Variants in SYNE2 observed in about 807,000 individuals in gnomAD.
SYNE2 encodes the protein spectrin repeat containing nuclear envelope protein 2.
In SYNE2, 431 loss-of-function variants were observed where a neutral mutation model predicts 856.3. That is an observed-to-expected ratio of 0.50 (90% CI 0.47 to 0.55). SYNE2 has a LOEUF of 0.55. Among genes scored for constraint, SYNE2 ranks in the 20% least tolerant of loss-of-function variants. The pLI is 0.00. For synonymous variants in SYNE2, 2,923 were observed against 2,872.3 expected, an observed-to-expected ratio of 1.02 and a Z score of -0.56; for missense variants, 8,129 against 8,023.2, an observed-to-expected ratio of 1.01 and a Z score of -0.50.
chr14:63,853,689 G>T (rs1336999162), intron 1 of SYNE2, among the ~76,000 whole-genome samples: 1 of 151,424 alleles, frequency 6.6e-6, no homozygotes, highest in Admixed American at 6.6e-5. Context: ...GGGAACCCGC[G>T]GGTCGGGGCG....
At chr14:63,884,139 G>A (rs2140751536) in intron 1 of SYNE2, among the ~76,000 whole-genome samples, 1 of 152,272 alleles carries the variant, frequency 6.6e-6, no homozygotes, top group East Asian at 1.9e-4. Flanking sequence ...GGAGTATCGA[G>A]GGTAAGTAAA....
intron 1 of SYNE2, among the ~76,000 whole-genome samples, chr14:63,818,293 C>T (rs1442767505): frequency 2.0e-5 from 3 of 148,684 alleles, no homozygotes; most frequent in Non-Finnish European, 3.0e-5. Context: ...TGAGATTGCA[C>T]CACTGCACTC....
At chr14:63,976,874 C>A in intron 12 of SYNE2, 147 bp downstream of exon 12, 1 of 826,132 alleles carries the variant, frequency 1.2e-6, no homozygotes, top group Non-Finnish European at 1.9e-6. Context: ...TTTTTGGGAC[C>A]TAGAATGTAA....
rs772739903 is a variant in SYNE2 at position 64,130,137 on chromosome 14, G to T, written c.14229G>T (p.Leu4743Phe). 5 of 1,614,162 alleles carry T rather than the reference G, an allele frequency of 3.1e-6. No individual in the cohort carries two copies. The Admixed American group carries it at 6.7e-5, about 22-fold the overall frequency. Residue 4743 changes from leucine (L) to phenylalanine (F), a missense_variant, in exon 76 of 116, where the codon TTG becomes TTT. By Grantham distance (22) the Leu-to-Phe change is conservative (BLOSUM62 0). Coordinates refer to ENST00000555002, the MANE Select transcript of SYNE2 (RefSeq NM_182914.3). ...TCACTGAGAGCCAGCAAGATGCTTT[G>T]TTGCAAGGCATGGTGGAACTGGTGA... ...PFVTESQQDALLQGMVELVKI... is the reference protein window; with the variant it reads ...PFVTESQQDAFLQGMVELVKI...
intron 73 of SYNE2, among the ~76,000 whole-genome samples, chr14:64,127,351 G>T (rs1287762434): frequency 6.6e-6 from 1 of 152,056 alleles, no homozygotes; most frequent in East Asian, 1.9e-4. Context: ...TAGGTAGGTG[G>T]ATTGCTTGAG....
Position 64,093,499 on chromosome 14 carries a change from T to A in SYNE2, c.12108+19T>A, listed in dbSNP as rs1333008162. 1 of 1,614,118 alleles carries A rather than the reference T, an allele frequency of 6.2e-7. No individual in the cohort carries two copies. Among genetic ancestry groups the A allele is most frequent in the African/African-American group, 1.3e-5 (1 of 75,054 alleles). On this transcript the variant is annotated intron_variant, in intron 61 of 115. Transcript: ENST00000555002. The stretch of plus-strand genomic sequence containing the variant: ...ACTACAGGTATGTTTCTTTCATTCA[T>A]AAAGGTATGTTTCATTTGTCCATCA...
intron 57 of SYNE2, among the ~76,000 whole-genome samples, chr14:64,083,498 C>T (rs1418772160): frequency 6.6e-6 from 1 of 151,890 alleles, no homozygotes; most frequent in Admixed American, 6.6e-5. Flanking sequence ...AAAAGCATCT[C>T]TCAAACTTCA....
intron 64 of SYNE2, among the ~76,000 whole-genome samples, chr14:64,105,218 A>G (rs978237324): frequency 6.6e-6 from 1 of 152,196 alleles, no homozygotes; most frequent in Non-Finnish European, 1.5e-5. Context: ...CATCTTATAA[A>G]ATACTGATGA....
intron 61 of SYNE2, chr14:64,095,263 G>C (rs1204472050): frequency 1.9e-5 from 3 of 159,874 alleles, no homozygotes; most frequent in Non-Finnish European, 4.4e-5. Flanking sequence ...TTGAATAATT[G>C]TGGACATTTT....
rs2096990372 is a variant in SYNE2 at position 64,027,537 on chromosome 14, A to C, written c.6458A>C (p.Asp2153Ala). Residue 2153 changes from aspartate (D) to alanine (A), a missense_variant, in exon 43 of 116, where the codon GAT becomes GCT. Physicochemically the swap from Asp to Ala is moderately radical, Grantham distance 126. Coordinates refer to ENST00000555002, the MANE Select transcript of SYNE2 (RefSeq NM_182914.3). ...GAGAAATATTTACAAAGTAAGGAGG[A>C]TCTGAGATTAATGCTCATAGAACTA... ...EGEKYLQSKE[D>A]LRLMLIELKK... 1.9e-6 allele frequency: 3 copies of C among 1,610,860 alleles called. No individual in the cohort carries two copies. Among genetic ancestry groups the C allele is most frequent in the Non-Finnish European group, 2.5e-6 (3 of 1,178,598 alleles).
chr14:63,989,930 G>C (rs1010156822), intron 19 of SYNE2, among the ~76,000 whole-genome samples: 12 of 152,194 alleles, frequency 7.9e-5, no homozygotes, highest in Non-Finnish European at 1.6e-4. Context: ...GATTACAGGC[G>C]TGAGCCACTG....
intron 57 of SYNE2, among the ~76,000 whole-genome samples, chr14:64,083,291 T>G (rs939274072): frequency 5.3e-5 from 8 of 152,088 alleles, no homozygotes; most frequent in African/African-American, 1.9e-4. Context: ...TCCCCAAAGT[T>G]TGTCATTTTT....
intron 88 of SYNE2, among the ~76,000 whole-genome samples, chr14:64,163,167 C>G (rs908918580): frequency 2.0e-5 from 3 of 152,202 alleles, no homozygotes; most frequent in African/African-American, 7.2e-5. Flanking sequence ...AGCCTCGACT[C>G]TATTAGTCAG....
intron 88 of SYNE2, among the ~76,000 whole-genome samples, 174 bp from the exon 89 acceptor site, chr14:64,163,228 T>C (rs147959051): frequency 4.7e-4 from 71 of 152,336 alleles, no homozygotes; most frequent in African/African-American, 1.6e-3. Context: ...GCCAGTGATA[T>C]ACATCATTTC....
chr14:63,833,304 A>G (rs141334111), intron 1 of SYNE2, among the ~76,000 whole-genome samples: 3 of 152,308 alleles, frequency 2.0e-5, no homozygotes, highest in African/African-American at 7.2e-5. Flanking sequence ...TTAAATATCC[A>G]CATACATGTT....
rs546301141 is a variant in SYNE2, at chr14:63,860,699, A to T, written c.-52+7556A>T. Reference sequence around the variant, plus strand: ...TGTTATCAGTGAGTAGCTCTTCTCTATCGGGCTGTGTAAATGTACCCCTAT... The same window carrying T: ...TGTTATCAGTGAGTAGCTCTTCTCTTTCGGGCTGTGTAAATGTACCCCTAT... On this transcript the variant is annotated intron_variant, in intron 1 of 115. Transcript: ENST00000555002. Among the ~76,000 whole-genome samples, 5 of 152,346 alleles carry T rather than the reference A, an allele frequency of 3.3e-5. No homozygotes were observed. In the South Asian group the frequency reaches 1.0e-3, roughly 32 times the overall value.
chr14:64,142,859 T>A (rs770977682), intron 82 of SYNE2, among the ~76,000 whole-genome samples: 2 of 152,228 alleles, frequency 1.3e-5, no homozygotes, highest in Non-Finnish European at 2.9e-5. Context: ...GTAGATTTAA[T>A]TAACATTTCA....
chr14:64,020,136 T>A, intron 35 of SYNE2, 43 bp downstream of exon 35: 1 of 1,378,776 alleles, frequency 7.3e-7, no homozygotes, highest in Non-Finnish European at 1.0e-6. Context: ...GAGGCTTCAG[T>A]AAGCCATAAT....
At chr14:63,876,453 T>A (rs1013490386) in intron 1 of SYNE2, among the ~76,000 whole-genome samples, 2 of 151,220 alleles carry the variant, frequency 1.3e-5, no homozygotes, top group African/African-American at 4.8e-5. Context: ...ACCATTATAT[T>A]TTTTTTAATT....
Sources: gnomAD v4.1 joint callset for allele counts (sites outside exome capture counted in the v4.1 genomes callset) on GRCh38, gnomAD v4.1.1 for gene constraint, MANE v1.5 for transcripts, NCBI Gene and HGNC (gene_info 2026-07-23, HGNC 2026-07-21) for gene names.